The following MACROD2 variants were observed in gnomAD, a reference collection of about 807,000 sequenced individuals.
MACROD2 encodes mono-ADP ribosylhydrolase 2, also known as ADP-ribose glycohydrolase MACROD2.
In MACROD2, 36 loss-of-function variants were observed where a neutral mutation model predicts 70.4. That is an observed-to-expected ratio of 0.51 (90% confidence interval 0.39 to 0.68). MACROD2 has a LOEUF of 0.68. Among genes scored for constraint, MACROD2 ranks in the 30% least tolerant of loss-of-function variants. The pLI, the probability that MACROD2 is intolerant of heterozygous loss-of-function variation, is 0.00. For missense variants in MACROD2, 496 were observed against 538.4 expected (o/e 0.92, Z 0.78); for synonymous variants, 172 against 178.8 (o/e 0.96, Z 0.30).
At chr20:14,464,572 G>A (rs2123027294) in intron 3 of MACROD2, among the ~76,000 whole-genome samples, 1 of 152,084 alleles carries the variant, frequency 6.6e-6, no homozygotes, top group East Asian at 1.9e-4. Flanking sequence ...CTTGCCTTCT[G>A]CTAGCTTTTG....
chr20:14,303,598 TCCA>T (rs895009596), intron 3 of MACROD2, among the ~76,000 whole-genome samples: 4 of 152,230 alleles, frequency 2.6e-5, no homozygotes, highest in Non-Finnish European at 5.9e-5. Flanking sequence ...TCTTTCTGAC[TCCA>T]CCATGTGAGA....
intron 8 of MACROD2, among the ~76,000 whole-genome samples, chr20:15,613,311 G>A (rs2048995347): frequency 6.6e-6 from 1 of 152,086 alleles, no homozygotes; most frequent in Non-Finnish European, 1.5e-5. Context: ...TCCTGATTGG[G>A]GTCTTTATTG....
chr20:14,606,714 T>C (rs1351384094), intron 4 of MACROD2, among the ~76,000 whole-genome samples: 1 of 152,170 alleles, frequency 6.6e-6, no homozygotes, highest in African/African-American at 2.4e-5. Flanking sequence ...AAGATTAAAA[T>C]TTTTTTGTGT....
At position 14,654,831 on chromosome 20, in the gene MACROD2, G is replaced by A. The variant is rs538058678; in HGVS notation, c.302-30012G>A. 4.6e-5 allele frequency among the ~76,000 whole-genome samples: 7 copies of A among 152,236 alleles called. No homozygotes were observed. The South Asian group carries it at 1.5e-3, about 32-fold the overall frequency. On this transcript the variant is annotated intron_variant, in intron 4 of 17. Transcript: ENST00000684519. Reference sequence around the variant, plus strand: ...CAGTTCCCCCTTTTTAGCAAACACTGAACATTGATAGTGTGTTATGATAAA... The same window carrying A: ...CAGTTCCCCCTTTTTAGCAAACACTAAACATTGATAGTGTGTTATGATAAA...
intron 3 of MACROD2, among the ~76,000 whole-genome samples, chr20:14,121,406 G>A (rs909620866): frequency 6.6e-6 from 1 of 152,084 alleles, no homozygotes; most frequent in African/African-American, 2.4e-5. Flanking sequence ...CCTTGATTTG[G>A]GTTGCTTTGT....
At chr20:15,229,295 T>C (rs2076939100) in intron 5 of MACROD2, among the ~76,000 whole-genome samples, 1 of 152,200 alleles carries the variant, frequency 6.6e-6, no homozygotes, top group South Asian at 2.1e-4. Context: ...AATGTTTTAA[T>C]AATACAATAA....
chr20:14,433,321 T>G (rs1310489297), intron 3 of MACROD2, among the ~76,000 whole-genome samples: 2 of 152,166 alleles, frequency 1.3e-5, no homozygotes, highest in African/African-American at 4.8e-5. Flanking sequence ...AATGAATGTG[T>G]AATAGGAATG....
chr20:14,121,392 C>T (rs1184308859), intron 3 of MACROD2, among the ~76,000 whole-genome samples: 1 of 152,116 alleles, frequency 6.6e-6, no homozygotes, highest in Non-Finnish European at 1.5e-5. Context: ...ACTTCTTTTC[C>T]TTTCCTTGAT....
In MACROD2 at chr20:15,338,082, C is replaced by G. The variant is rs774312712; in HGVS notation, c.541-93323C>G. On this transcript the variant is annotated intron_variant, in intron 6 of 17. Coordinates refer to ENST00000684519, the MANE Select transcript of MACROD2 (RefSeq NM_001351661.2). ...TATTTATTTATTTATTAACAGTACC[C>G]TCTCTTTTTCAGGTGAGCTAAACTA... Among the ~76,000 whole-genome samples, 10 of 151,328 alleles carry G rather than the reference C, an allele frequency of 6.6e-5. 1 individual carries two copies. Among genetic ancestry groups the G allele is most frequent in the Non-Finnish European group, 1.2e-4 (8 of 67,998 alleles).
At chr20:14,011,690 G>A (rs2052909497) in intron 2 of MACROD2, among the ~76,000 whole-genome samples, 1 of 151,918 alleles carries the variant, frequency 6.6e-6, no homozygotes. Flanking sequence ...CACCACACCT[G>A]GCTAAGTTTT....
chr20:15,389,925 CAA>C (rs1396321472), intron 6 of MACROD2, among the ~76,000 whole-genome samples: 2 of 151,932 alleles, frequency 1.3e-5, no homozygotes, highest in Non-Finnish European at 2.9e-5. Flanking sequence ...AATGGAAAAA[CAA>C]TATTTAAAAC....
intron 8 of MACROD2, among the ~76,000 whole-genome samples, chr20:15,765,019 C>A (rs2051499542): frequency 6.6e-6 from 1 of 152,082 alleles, no homozygotes; most frequent in African/African-American, 2.4e-5. Context: ...AAACCACACA[C>A]AACCCCCGGT....
At chr20:14,643,476 C>A (rs1985203369) in intron 4 of MACROD2, among the ~76,000 whole-genome samples, 1 of 152,100 alleles carries the variant, frequency 6.6e-6, no homozygotes, top group Non-Finnish European at 1.5e-5. Flanking sequence ...TTTGTGAAAA[C>A]ATTGTAAAAA....
At chr20:14,625,095 T>A (rs1334724701) in intron 4 of MACROD2, among the ~76,000 whole-genome samples, 1 of 151,942 alleles carries the variant, frequency 6.6e-6, no homozygotes, top group Non-Finnish European at 1.5e-5. Context: ...TTTGGGAGGC[T>A]GAGGTGGGTG....
At chr20:14,685,885 C>CT (rs1293007456) in intron 5 of MACROD2, among the ~76,000 whole-genome samples, 5 of 152,118 alleles carry the variant, frequency 3.3e-5, no homozygotes, top group Non-Finnish European at 7.4e-5. Flanking sequence ...CTATAGGATA[C>CT]TATGGGTTAT....
chr20:15,342,143 A>C (rs1476369442), intron 6 of MACROD2, among the ~76,000 whole-genome samples: 1 of 152,204 alleles, frequency 6.6e-6, no homozygotes, highest in Non-Finnish European at 1.5e-5. Flanking sequence ...AAAGTAAAAA[A>C]TCTATTACAT....
At chr20:15,679,831 G>A (rs2050136200) in intron 8 of MACROD2, among the ~76,000 whole-genome samples, 1 of 152,242 alleles carries the variant, frequency 6.6e-6, no homozygotes, top group African/African-American at 2.4e-5. Context: ...AGCCCACCTT[G>A]AGGATTCCTG....
chr20:14,229,389 A>C (rs956732758), intron 3 of MACROD2, among the ~76,000 whole-genome samples: 2 of 152,226 alleles, frequency 1.3e-5, no homozygotes, highest in African/African-American at 4.8e-5. Flanking sequence ...TAAGAAAACA[A>C]CTCAAGTAAA....
At chr20:14,025,905 T>C (rs1035868508) in intron 2 of MACROD2, among the ~76,000 whole-genome samples, 4 of 152,264 alleles carry the variant, frequency 2.6e-5, no homozygotes, top group African/African-American at 9.6e-5. Context: ...TCCTTGTTAA[T>C]TTTATGTGTT....
Sources: allele counts gnomAD v4.1 joint callset (sites outside exome capture counted in the v4.1 genomes callset), GRCh38; gene constraint gnomAD v4.1.1; transcripts MANE v1.5; gene names NCBI Gene and HGNC (gene_info 2026-07-23, HGNC 2026-07-21).